The following CA10 variants were observed in gnomAD, a reference collection of about 807,000 sequenced individuals.
CA10 encodes the protein carbonic anhydrase-related protein 10.
A neutral mutation model predicts 44.2 loss-of-function variants in CA10; 14 were observed. The observed-to-expected ratio is 0.32, with a 90% CI of 0.21 to 0.50. The LOEUF is 0.50. Ranked by LOEUF, CA10 falls within the 20% of genes least tolerant of loss-of-function variation. CA10 has a pLI of 0.99. For synonymous variants in CA10, 159 were observed against 141.6 expected (o/e 1.12, Z -0.87); for missense variants, 350 against 409.7 (o/e 0.85, Z 1.26).
At chr17:51,977,033 T>C (rs886953847) in intron 2 of CA10, among the ~76,000 whole-genome samples, 2 of 151,610 alleles carry the variant, frequency 1.3e-5, no homozygotes, top group African/African-American at 2.4e-5. Flanking sequence ...TGACCAACCC[T>C]GTATACATTT....
At chr17:51,659,323 C>A (rs78733058) in intron 4 of CA10, among the ~76,000 whole-genome samples, 1 of 152,130 alleles carries the variant, frequency 6.6e-6, no homozygotes, top group Non-Finnish European at 1.5e-5. Context: ...CACTAGCGAC[C>A]ACCTCTCTCC....
At chr17:51,726,248 G>A (rs1046101352) in intron 4 of CA10, among the ~76,000 whole-genome samples, 1 of 133,020 alleles carries the variant, frequency 7.5e-6, no homozygotes, top group African/African-American at 2.8e-5. Context: ...TCTCTGAGAG[G>A]CTGATCTACA....
intron 2 of CA10, among the ~76,000 whole-genome samples, chr17:52,063,546 T>C (rs565236057): frequency 2.0e-5 from 3 of 152,300 alleles, no homozygotes; most frequent in Non-Finnish European, 4.4e-5. Flanking sequence ...ACCACCTTTA[T>C]AGTAATGAGC....
intron 3 of CA10, among the ~76,000 whole-genome samples, chr17:51,927,558 G>A (rs891643955): frequency 2.6e-5 from 4 of 152,110 alleles, no homozygotes; most frequent in African/African-American, 4.8e-5. Context: ...TTTACTCTGC[G>A]GTAACCTTCT....
intron 3 of CA10, among the ~76,000 whole-genome samples, chr17:51,894,211 C>A (rs1338497552): frequency 6.6e-6 from 1 of 151,974 alleles, no homozygotes; most frequent in Non-Finnish European, 1.5e-5. Context: ...CTGGGGGACT[C>A]CAAGATCAGG....
At chr17:51,954,857 G>A (rs1478865181) in intron 2 of CA10, among the ~76,000 whole-genome samples, 1 of 152,294 alleles carries the variant, frequency 6.6e-6, no homozygotes, top group Middle Eastern at 3.4e-3. Context: ...GTTGCGTGTC[G>A]AGGGATGAGG....
intron 4 of CA10, among the ~76,000 whole-genome samples, chr17:51,663,754 G>T (rs959642043): frequency 4.6e-5 from 7 of 152,312 alleles, no homozygotes; most frequent in African/African-American, 1.7e-4. Flanking sequence ...CTCTGATAAA[G>T]GGAGAGGCCC....
chr17:52,013,967 A>AT (rs1398350911), intron 2 of CA10, among the ~76,000 whole-genome samples: 13 of 151,972 alleles, frequency 8.6e-5, no homozygotes, highest in African/African-American at 3.1e-4. Context: ...TATTAAGTGA[A>AT]TATAAATAGA....
intron 2 of CA10, among the ~76,000 whole-genome samples, chr17:51,966,673 C>T (rs896002962): frequency 1.3e-5 from 2 of 151,658 alleles, no homozygotes; most frequent in Non-Finnish European, 3.0e-5. Context: ...TGAAGCTGGA[C>T]CCCTACCTTT....
chr17:51,760,286 C>A (rs1037106290), intron 3 of CA10, among the ~76,000 whole-genome samples: 4 of 152,212 alleles, frequency 2.6e-5, no homozygotes, highest in Non-Finnish European at 4.4e-5. Flanking sequence ...GCTCATTCGT[C>A]ATTTCATTGT....
chr17:51,819,938 C>T (rs1907701166), intron 3 of CA10, among the ~76,000 whole-genome samples: 2 of 152,060 alleles, frequency 1.3e-5, no homozygotes, highest in African/African-American at 4.8e-5. Flanking sequence ...TTGTTTATCC[C>T]CCTCTCTGTC....
At chr17:51,636,079 T>C in intron 6 of CA10, 70 bp from the exon 7 acceptor site, 1 of 795,360 alleles carries the variant, frequency 1.3e-6, no homozygotes, top group Non-Finnish European at 2.0e-6. Context: ...CATACATACA[T>C]ACATACATAC....
intron 2 of CA10, among the ~76,000 whole-genome samples, chr17:52,003,708 G>A (rs866374239): frequency 6.6e-6 from 1 of 151,852 alleles, no homozygotes; most frequent in Admixed American, 6.6e-5. Context: ...GGAAACAAAA[G>A]TTCACACAAA....
At chr17:51,655,400 A>G (rs1350177341) in intron 4 of CA10, among the ~76,000 whole-genome samples, 1 of 152,250 alleles carries the variant, frequency 6.6e-6, no homozygotes, top group African/African-American at 2.4e-5. Flanking sequence ...AAAGTGTAAG[A>G]GAGTACTCAT....
At chr17:51,984,349 A>C (rs1984755150) in intron 2 of CA10, among the ~76,000 whole-genome samples, 1 of 151,948 alleles carries the variant, frequency 6.6e-6, no homozygotes, top group African/African-American at 2.4e-5. Context: ...TCTGGAATAC[A>C]GCAAAGGCGG....
intron 2 of CA10, among the ~76,000 whole-genome samples, chr17:51,996,774 C>T (rs1985251604): frequency 6.6e-6 from 1 of 151,972 alleles, no homozygotes; most frequent in Non-Finnish European, 1.5e-5. Flanking sequence ...AAAGGGCTAA[C>T]AGATGGCTAC....
intron 2 of CA10, among the ~76,000 whole-genome samples, chr17:52,051,476 G>A (rs975194198): frequency 8.0e-5 from 12 of 150,302 alleles, no homozygotes; most frequent in Non-Finnish European, 1.2e-4. Flanking sequence ...ATGAAGAAGC[G>A]GGCAAAGGAC....
intron 5 of CA10, among the ~76,000 whole-genome samples, chr17:51,653,003 AT>A (rs67259214): frequency 6.6e-6 from 1 of 151,200 alleles, no homozygotes; most frequent in South Asian, 2.1e-4. Flanking sequence ...GGTAATTAGT[AT>A]TTTTTTTTAA....
chr17:52,130,563 G>A (rs574582754), intron 1 of CA10, among the ~76,000 whole-genome samples: 45 of 152,188 alleles, frequency 3.0e-4, no homozygotes, highest in Admixed American at 9.2e-4. Context: ...GACAAATATC[G>A]CATTATCTCA....
Sources: gnomAD v4.1 joint callset for allele counts (sites outside exome capture counted in the v4.1 genomes callset) on GRCh38, gnomAD v4.1.1 for gene constraint, MANE v1.5 for transcripts, NCBI Gene and HGNC (gene_info 2026-07-23, HGNC 2026-07-21) for gene names.